PREX1: variants seen among roughly 807,000 people sequenced by gnomAD.
PREX1 encodes the protein phosphatidylinositol-3,4,5-trisphosphate dependent Rac exchange factor 1, also known as phosphatidylinositol 3,4,5-trisphosphate-dependent Rac exchanger 1 protein.
PREX1 carries 41 observed loss-of-function variants against 198.3 expected under a neutral mutation model. That is an observed-to-expected ratio of 0.21 (90% CI 0.16 to 0.27). PREX1 has a LOEUF of 0.27. PREX1 is among the 10% of genes least tolerant of loss of function. The pLI, the probability that PREX1 is intolerant of heterozygous loss-of-function variation, is 1.00. For synonymous variants in PREX1, 843 were observed against 887.2 expected, an observed-to-expected ratio of 0.95 and a Z score of 0.89; for missense variants, 1,620 against 2,200.7, an observed-to-expected ratio of 0.74 and a Z score of 5.28.
At position 48,652,445 on chromosome 20, in the gene PREX1, A is replaced by T. The variant is rs2089506239; in HGVS notation, c.2467+141T>A. On this transcript the variant is annotated intron_variant, in intron 21 of 39. Transcript: ENST00000371941. ...ACAGAGCCAGAACCTGTCTCCAAAA[A>T]GGAAAAAAAAAACAAACCTGCTGGC... is the stretch of plus-strand genomic sequence containing the variant. The T allele has an allele frequency of 9.2e-6, 11 of 1,198,174 alleles. No homozygotes were observed. The Admixed American group carries it at 2.7e-4, about 30-fold the overall frequency. The allele number at this position is 1,198,174 out of a possible 1,614,324, so 74.2% of individuals were successfully genotyped here. A position where few individuals can be genotyped will look rare whatever the true frequency, so the allele number is the denominator to read the frequency against.
chr20:48,735,091 T>G (rs556219722), intron 3 of PREX1, among the ~76,000 whole-genome samples: 1 of 152,270 alleles, frequency 6.6e-6, no homozygotes, highest in East Asian at 1.9e-4. Flanking sequence ...AGCCCAAAGA[T>G]GTACTCCTTC....
the PREX1 span, among the ~76,000 whole-genome samples, chr20:48,864,119 A>G: frequency 2.6e-5 from 4 of 152,236 alleles, no homozygotes; most frequent in Non-Finnish European, 5.9e-5. Flanking sequence ...GCAATGACAC[A>G]TGATCACTGC....
the PREX1 span, among the ~76,000 whole-genome samples, chr20:48,860,744 A>T: frequency 6.6e-6 from 1 of 151,624 alleles, no homozygotes; most frequent in Non-Finnish European, 1.5e-5. Flanking sequence ...CTGAAGCAGG[A>T]GAGTCGCTTG....
In PREX1 at chr20:48,692,738, G is replaced by C; in HGVS notation, c.970C>G (p.Leu324Val). ...TKRTKSINGS[L>V]YIFRGRINTE... ...TTGATTCGACCCCTGAAGATGTAGA[G>C]GGAGCCGTTGATGGATTTGGTCCTC... Residue 324 changes from leucine to valine, a missense_variant, in exon 8 of 40, where the codon CTC becomes GTC. Physicochemically the swap from Leu to Val is conservative, Grantham distance 32. Around this residue, in one of 7 missense-constraint regions of PREX1, gnomAD observed 488 missense variants for 802.5 expected, o/e 0.61. Coordinates refer to ENST00000371941, the MANE Select transcript of PREX1 (RefSeq NM_020820.4). 1 of 1,614,096 alleles carries C rather than the reference G, an allele frequency of 6.2e-7. No homozygotes were observed. Among genetic ancestry groups the C allele is most frequent in the Non-Finnish European group, 8.5e-7 (1 of 1,180,016 alleles).
At chr20:48,727,314 C>A (rs2122703801) in intron 4 of PREX1, among the ~76,000 whole-genome samples, 1 of 152,206 alleles carries the variant, frequency 6.6e-6, no homozygotes, top group South Asian at 2.1e-4. Context: ...AATACCGTTA[C>A]CCTAACTCCC....
chr20:48,827,464 G>C lies in PREX1; in HGVS notation c.219+178C>G, dbSNP rs1162144739. On this transcript the variant is annotated intron_variant, in intron 1 of 39. Transcript: ENST00000371941. This position sits in a 1 kb window ranked among gnomAD's most constrained non-coding sequence, Gnocchi z 4.1. ...GGAGCAGGACCGTGCGCCGGCCAGG[G>C]AGGGAGGCGACGCGACAGCTCTGGA... 2.0e-5 allele frequency among the ~76,000 whole-genome samples: 3 copies of C among 152,190 alleles called. No homozygotes were observed. Among genetic ancestry groups the C allele is most frequent in the Non-Finnish European group, 4.4e-5 (3 of 68,022 alleles).
At chr20:48,877,924 C>G in the PREX1 span, among the ~76,000 whole-genome samples, 53 of 152,172 alleles carry the variant, frequency 3.5e-4, no homozygotes, top group Non-Finnish European at 6.8e-4. Flanking sequence ...GCCTGGCCAA[C>G]ATGGCGAAGC....
chr20:48,657,881 C>T (rs905097570), intron 17 of PREX1, among the ~76,000 whole-genome samples: 2 of 152,226 alleles, frequency 1.3e-5, no homozygotes, highest in African/African-American at 4.8e-5. Flanking sequence ...TCCTGTACCT[C>T]CCCACAATGT....
the PREX1 span, among the ~76,000 whole-genome samples, chr20:48,846,350 C>T: frequency 2.0e-5 from 3 of 152,332 alleles, no homozygotes; most frequent in African/African-American, 7.2e-5. Context: ...GTCTTATCCT[C>T]TGTCCATTCT....
At chr20:48,879,091 T>C in the PREX1 span, among the ~76,000 whole-genome samples, 1 of 152,188 alleles carries the variant, frequency 6.6e-6, no homozygotes, top group Non-Finnish European at 1.5e-5. Flanking sequence ...TTACATATTG[T>C]AGTAGGTACC....
At chr20:48,746,290 T>C (rs2090107282) in intron 2 of PREX1, among the ~76,000 whole-genome samples, 1 of 152,242 alleles carries the variant, frequency 6.6e-6, no homozygotes, top group South Asian at 2.1e-4. Context: ...CCCAAAGTGC[T>C]AGGATTACAG....
chr20:48,677,126 G>T (rs989355988), intron 13 of PREX1, among the ~76,000 whole-genome samples: 2 of 152,220 alleles, frequency 1.3e-5, no homozygotes, highest in African/African-American at 4.8e-5. Flanking sequence ...GGACTGGGGG[G>T]GTCTGACAGG....
At chr20:48,662,445 G>A (rs1234714045) in intron 15 of PREX1, among the ~76,000 whole-genome samples, 5 of 152,200 alleles carry the variant, frequency 3.3e-5, no homozygotes, top group African/African-American at 1.2e-4. Flanking sequence ...TCCCTGCTCA[G>A]CCCCTTCCTG....
At chr20:48,655,169 T>C in intron 19 of PREX1, 121 bp downstream of exon 19, 1 of 1,061,704 alleles carries the variant, frequency 9.4e-7, no homozygotes, top group Non-Finnish European at 1.3e-6. Flanking sequence ...GCAAAGAAAA[T>C]AAGTGCTGAT....
At chr20:48,835,664 G>T in the PREX1 span, among the ~76,000 whole-genome samples, 2 of 152,182 alleles carry the variant, frequency 1.3e-5, no homozygotes, top group African/African-American at 4.8e-5. Context: ...AAGGGGGAAG[G>T]GTAGTTGAGA....
chr20:48,821,395 G>A (rs192364010), intron 1 of PREX1, among the ~76,000 whole-genome samples: 149 of 152,210 alleles, frequency 9.8e-4, no homozygotes, highest in Non-Finnish European at 1.7e-3. Context: ...GATTCAGACC[G>A]AATGACCCAC....
At chr20:48,808,094 G>A (rs1200754416) in intron 1 of PREX1, among the ~76,000 whole-genome samples, 1 of 152,146 alleles carries the variant, frequency 6.6e-6, no homozygotes, top group African/African-American at 2.4e-5. Flanking sequence ...GAACATTCTG[G>A]ATCCTGTTCA....
chr20:48,631,155 C>G (rs1222625391), intron 35 of PREX1, among the ~76,000 whole-genome samples: 1 of 152,216 alleles, frequency 6.6e-6, no homozygotes, highest in Non-Finnish European at 1.5e-5. Context: ...GTCTCCCCCT[C>G]CAGAACAGGG....
At chr20:48,652,469 G>T in intron 21 of PREX1, 117 bp downstream of exon 21, 1 of 1,359,610 alleles carries the variant, frequency 7.4e-7, no homozygotes, top group Non-Finnish European at 9.9e-7. Context: ...AAACCTGCTG[G>T]CATGGAGGTG....
Sources: allele counts gnomAD v4.1 joint callset (sites outside exome capture counted in the v4.1 genomes callset), GRCh38; gene constraint gnomAD v4.1.1; regional missense constraint gnomAD v4.1.1; non-coding constraint Gnocchi (gnomAD v3.1); transcripts MANE v1.5; gene names NCBI Gene and HGNC (gene_info 2026-07-23, HGNC 2026-07-21).